RFX2: variants seen among roughly 807,000 people sequenced by gnomAD.
The protein encoded by RFX2 is regulatory factor X2.
A neutral mutation model predicts 87.8 loss-of-function variants in RFX2; 20 were observed. That is an observed-to-expected ratio of 0.23 (90% CI 0.16 to 0.33). The LOEUF (loss-of-function observed/expected upper bound fraction) is 0.33. Ranked by LOEUF, RFX2 falls within the 10% of genes least tolerant of loss-of-function variation. RFX2 has a pLI of 1.00. For missense variants in RFX2, 767 were observed against 1,012.3 expected, an observed-to-expected ratio of 0.76 and a Z score of 3.29; for synonymous variants, 397 against 431.3, an observed-to-expected ratio of 0.92 and a Z score of 0.98.
intron 3 of RFX2, 43 bp from the exon 4 acceptor site, chr19:6,042,166 G>GTT (rs1356885612): frequency 6.5e-7 from 1 of 1,550,318 alleles, no homozygotes; most frequent in Non-Finnish European, 8.9e-7. Flanking sequence ...TCACGCCCTC[G>GTT]TGAGTTGCCT....
rs1041390688 is a variant in RFX2 at position 6,056,889 on chromosome 19, C to A, written c.-8-9385G>T. Among the ~76,000 whole-genome samples the A allele has an allele frequency of 6.6e-6, 1 of 152,224 alleles. No homozygotes were observed. Among genetic ancestry groups the A allele is most frequent in the African/African-American group, 2.4e-5 (1 of 41,462 alleles). ...CCAATATAAAGGGGAGGGGCCGCAA[C>A]ACGACCTGTCACCCAGCCTGGCCCT... is the stretch of plus-strand genomic sequence containing the variant. On this transcript the variant is annotated intron_variant, in intron 1 of 17. Transcript: ENST00000303657. This position sits in a 1 kb window ranked among gnomAD's most constrained non-coding sequence, Gnocchi z 4.6.
rs760198176 is a variant in RFX2, at chr19:6,013,988, A to G, written c.780-883T>C. Among the ~76,000 whole-genome samples the G allele has an allele frequency of 6.6e-6, 1 of 152,108 alleles. No homozygotes were observed. The highest frequency in any genetic ancestry group is 1.9e-4 in the East Asian group (1 of 5,188). ...TCTTCCCCACCCCCTTCAATCATCT[A>G]GTAACACGTTTTGGAATAAGGCACT... On this transcript the variant is annotated intron_variant, in intron 7 of 17. Coordinates refer to ENST00000303657, the MANE Select transcript of RFX2 (RefSeq NM_000635.4). This position sits in a 1 kb window ranked among gnomAD's most constrained non-coding sequence, Gnocchi z 4.1.
At position 6,101,018 on chromosome 19, in the gene RFX2, C is replaced by T. The variant is rs72992743; in HGVS notation, c.-9+9375G>A. Among the ~76,000 whole-genome samples the T allele has an allele frequency of 0.026, 3,979 of 152,272 alleles. 83 individuals are homozygous for T. Among genetic ancestry groups the T allele is most frequent in the Non-Finnish European group, 0.041 (2,783 of 68,014 alleles). On this transcript the variant is annotated intron_variant, in intron 1 of 17. Coordinates refer to ENST00000303657, the MANE Select transcript of RFX2 (RefSeq NM_000635.4). The surrounding 1 kb of genome is among the most constrained non-coding windows in gnomAD (Gnocchi z 4.9). Reference sequence around the variant, plus strand: ...AGACATATCCTGCTTTTAACTTAGGCTCTGAATATCAGTTGCCAATGGTTT... The same window carrying T: ...AGACATATCCTGCTTTTAACTTAGGTTCTGAATATCAGTTGCCAATGGTTT...
intron 13 of RFX2, among the ~76,000 whole-genome samples, chr19:6,003,697 T>G (rs1210839612): frequency 7.0e-6 from 1 of 143,880 alleles, no homozygotes; most frequent in Non-Finnish European, 1.5e-5. Context: ...GAGAATCGCT[T>G]GAACCCGGGA....
Position 6,007,226 on chromosome 19 carries a change from C to T in RFX2, c.1248-60G>A, listed in dbSNP as rs1354298098. On this transcript the variant is annotated intron_variant, in intron 11 of 17. Coordinates refer to ENST00000303657, the MANE Select transcript of RFX2 (RefSeq NM_000635.4). This position sits in a 1 kb window ranked among gnomAD's most constrained non-coding sequence, Gnocchi z 8.2. ...TGGCCCAGGTGGGCTCACTCAGCCA[C>T]GGGAGCGAGCAGAGAGCCGGGCTGC... 34 of 1,554,834 alleles carry T rather than the reference C, an allele frequency of 2.2e-5. No homozygotes were observed. The Admixed American group carries it at 2.3e-4, about 10-fold the overall frequency.
intron 1 of RFX2, among the ~76,000 whole-genome samples, chr19:6,084,910 T>G (rs2087835726): frequency 6.6e-6 from 1 of 152,194 alleles, no homozygotes; most frequent in African/African-American, 2.4e-5. Flanking sequence ...GTGCTGGGAT[T>G]AGAGGTGTGA....
In RFX2 at chr19:5,998,540, C is replaced by T. The variant is rs1040258660; in HGVS notation, c.1860-1327G>A. Among the ~76,000 whole-genome samples the T allele has an allele frequency of 3.3e-5, 5 of 152,232 alleles. No individual in the cohort carries two copies. The highest frequency in any genetic ancestry group is 2.1e-4 in the South Asian group (1 of 4,828). ...AAAGACAGCCGCACTATGAAGACCA[C>T]CAAAGCTGTCTATCCTTAAGTGTCA... On this transcript the variant is annotated intron_variant, in intron 15 of 17. Transcript: ENST00000303657. This position sits in a 1 kb window ranked among gnomAD's most constrained non-coding sequence, Gnocchi z 4.2.
intron 3 of RFX2, among the ~76,000 whole-genome samples, chr19:6,043,511 G>A (rs1026025803): frequency 2.0e-5 from 3 of 152,246 alleles, no homozygotes; most frequent in African/African-American, 4.8e-5. Context: ...GGCAAACTCC[G>A]GCCCTGAGGG....
At chr19:6,082,474 AC>A (rs1303065840) in intron 1 of RFX2, among the ~76,000 whole-genome samples, 18 of 152,120 alleles carry the variant, frequency 1.2e-4, no homozygotes, top group African/African-American at 4.3e-4. Context: ...TCTCTGTCAC[AC>A]AGGCTGGAGT....
intron 1 of RFX2, among the ~76,000 whole-genome samples, chr19:6,082,517 C>T (rs1018361213): frequency 3.3e-5 from 5 of 152,132 alleles, no homozygotes; most frequent in African/African-American, 1.2e-4. Flanking sequence ...ACTTCATCCT[C>T]TAACTCCTGG....
In RFX2 at chr19:6,063,450, G is replaced by T. The variant is rs2087468010; in HGVS notation, c.-8-15946C>A. Among the ~76,000 whole-genome samples the T allele has an allele frequency of 6.6e-6, 1 of 152,222 alleles. No individual in the cohort carries two copies. Among genetic ancestry groups the T allele is most frequent in the African/African-American group, 2.4e-5 (1 of 41,450 alleles). On this transcript the variant is annotated intron_variant, in intron 1 of 17. Coordinates refer to ENST00000303657, the MANE Select transcript of RFX2 (RefSeq NM_000635.4). The surrounding 1 kb of genome is among the most constrained non-coding windows in gnomAD (Gnocchi z 4.0). ...TGGTGTCTCCTGCACACAACGCAGG[G>T]AGGGTGAGGATGGGGTCCATGCACC...
intron 6 of RFX2, among the ~76,000 whole-genome samples, chr19:6,025,703 T>C (rs1267190164): frequency 6.6e-6 from 1 of 152,084 alleles, no homozygotes; most frequent in Non-Finnish European, 1.5e-5. Flanking sequence ...TATTTTTTGC[T>C]GGATGTAGGA....
rs1313577660 is a variant in RFX2, at chr19:6,039,185, G to C, written c.522+795C>G. ...ACTTGACTGAATCTCAAAGGCACCAGAATGAGTAAAAGAAGCCTGTCTGAA... is the reference window on the plus strand; with the variant it reads ...ACTTGACTGAATCTCAAAGGCACCACAATGAGTAAAAGAAGCCTGTCTGAA... On this transcript the variant is annotated intron_variant, in intron 5 of 17. Coordinates refer to ENST00000303657, the MANE Select transcript of RFX2 (RefSeq NM_000635.4). The surrounding 1 kb of genome is among the most constrained non-coding windows in gnomAD (Gnocchi z 5.2). Among the ~76,000 whole-genome samples the C allele has an allele frequency of 6.6e-6, 1 of 152,192 alleles. No homozygotes were observed. The highest frequency in any genetic ancestry group is 1.5e-5 in the Non-Finnish European group (1 of 68,040).
intron 17 of RFX2, 113 bp from the exon 18 acceptor site, chr19:5,995,063 C>G (rs1419171029): frequency 1.2e-6 from 1 of 813,118 alleles, no homozygotes; most frequent in African/African-American, 1.7e-5. Flanking sequence ...ACCGAGGATA[C>G]ATGGCAGCCT....
Position 6,007,576 on chromosome 19 carries a change from G to A in RFX2, c.1247+114C>T. On this transcript the variant is annotated intron_variant, in intron 11 of 17. Transcript: ENST00000303657. This position sits in a 1 kb window ranked among gnomAD's most constrained non-coding sequence, Gnocchi z 8.2. The stretch of plus-strand genomic sequence containing the variant: ...AAAATTACAGGGATGGAGGCAGAGG[G>A]GTCTGAACCCTGATTCTTGGAGAGC... 1 of 666,452 alleles carries A rather than the reference G, an allele frequency of 1.5e-6. No homozygotes were observed. Among genetic ancestry groups the A allele is most frequent in the South Asian group, 1.7e-5 (1 of 57,446 alleles). The allele number at this position is 666,452 out of a possible 1,614,324, so 41.3% of individuals were successfully genotyped here.
In RFX2 at chr19:6,040,044, A is replaced by G; in HGVS notation, c.458T>C (p.Ile153Thr). 6.2e-7 allele frequency: 1 copy of G among 1,610,760 alleles called. No individual in the cohort carries two copies. The highest frequency in any genetic ancestry group is 8.5e-7 in the Non-Finnish European group (1 of 1,178,988). The change falls in exon 5 of 18, where the codon ATC (isoleucine) becomes ACC (threonine). Residue 153 changes from isoleucine (I) to threonine (T), a missense_variant. This residue lies in a region of RFX2 where 621 missense variants were observed against 873.0 expected (regional missense o/e 0.71). Coordinates refer to ENST00000303657, the MANE Select transcript of RFX2 (RefSeq NM_000635.4). This position sits in a 1 kb window ranked among gnomAD's most constrained non-coding sequence, Gnocchi z 6.1. ...TCTGGTGCTGTCCATCCCCCCGTGG[A>G]TGAGATAGGCTCCCGCGCTGGAGAC... Reference protein sequence around the residue: ...PIVSSAGAYLIHGGMDSTRHS... With the variant: ...PIVSSAGAYLTHGGMDSTRHS...
At chr19:6,084,192 A>C (rs2087824070) in intron 1 of RFX2, among the ~76,000 whole-genome samples, 1 of 152,180 alleles carries the variant, frequency 6.6e-6, no homozygotes, top group Non-Finnish European at 1.5e-5. Context: ...GCTATACATG[A>C]CCACAGGCAA....
intron 16 of RFX2, 48 bp from the exon 17 acceptor site, chr19:5,995,691 T>G: frequency 1.3e-6 from 2 of 1,533,178 alleles, no homozygotes; most frequent in Non-Finnish European, 1.8e-6. Flanking sequence ...GGGCGGCAGT[T>G]GCTGTTTGGG....
chr19:6,109,681 G>A (rs990828034), intron 1 of RFX2, among the ~76,000 whole-genome samples: 1 of 152,150 alleles, frequency 6.6e-6, no homozygotes, highest in Non-Finnish European at 1.5e-5. Context: ...AATTTCGGAG[G>A]TTTGGGGAGT....
Sources: gnomAD v4.1 joint callset for allele counts (sites outside exome capture counted in the v4.1 genomes callset) on GRCh38, gnomAD v4.1.1 for gene constraint, gnomAD v4.1.1 regional missense constraint, Gnocchi (gnomAD v3.1) non-coding constraint, MANE v1.5 for transcripts, NCBI Gene and HGNC (gene_info 2026-07-23, HGNC 2026-07-21) for gene names.